SNRNP200: variants seen among roughly 807,000 people sequenced by gnomAD.
SNRNP200 encodes small nuclear ribonucleoprotein U5 subunit 200, also known as U5 small nuclear ribonucleoprotein 200 kDa helicase.
Under a neutral mutation model 255.2 loss-of-function variants are expected in SNRNP200, and 66 were observed. The observed-to-expected ratio is 0.26, with a 90% CI of 0.21 to 0.32. The LOEUF is 0.32. SNRNP200 is among the 10% of genes least tolerant of loss of function. The pLI, the probability that SNRNP200 is intolerant of heterozygous loss-of-function variation, is 1.00. For missense variants in SNRNP200, 1,585 were observed against 2,749.8 expected, an observed-to-expected ratio of 0.58 and a Z score of 9.47; for synonymous variants, 939 against 1,027.8, an observed-to-expected ratio of 0.91 and a Z score of 1.65.
Position 96,283,502 on chromosome 2 carries a change from A to C in SNRNP200, c.4763+33T>G, listed in dbSNP as rs1349008037. On this transcript the variant is annotated intron_variant, in intron 33 of 44. Transcript: ENST00000323853. This position sits in a 1 kb window ranked among gnomAD's most constrained non-coding sequence, Gnocchi z 4.7. ...GGAGTAGGCCAGCCTCACTTAACCTAACCCCAACCCCCAGACGCCAGGCCC... is the reference window on the plus strand; with the variant it reads ...GGAGTAGGCCAGCCTCACTTAACCTCACCCCAACCCCCAGACGCCAGGCCC... 2 of 1,613,640 alleles carry C rather than the reference A, an allele frequency of 1.2e-6. No individual in the cohort carries two copies. The highest frequency in any genetic ancestry group is 1.7e-6 in the Non-Finnish European group (2 of 1,179,904).
At position 96,291,662 on chromosome 2, in the gene SNRNP200, C is replaced by T. The variant is rs1427632536; in HGVS notation, c.2310+89G>A. 6.8e-7 allele frequency: 1 copy of T among 1,469,902 alleles called. No homozygotes were observed. Among genetic ancestry groups the T allele is most frequent in the Non-Finnish European group, 9.5e-7 (1 of 1,052,542 alleles). The allele number at this position is 1,469,902 out of a possible 1,614,324, so 91.1% of individuals were successfully genotyped here. ...CTTAACCCATGGGAAACAACAATACCACAGTACAGTCCTAGAGGAGCTGTC... is the reference window on the plus strand; with the variant it reads ...CTTAACCCATGGGAAACAACAATACTACAGTACAGTCCTAGAGGAGCTGTC... On this transcript the variant is annotated intron_variant, in intron 17 of 44. Transcript: ENST00000323853. This position sits in a 1 kb window ranked among gnomAD's most constrained non-coding sequence, Gnocchi z 4.2.
intron 43 of SNRNP200, among the ~76,000 whole-genome samples, chr2:96,275,961 G>A (rs1016497739): frequency 1.3e-5 from 2 of 152,158 alleles, no homozygotes; most frequent in African/African-American, 2.4e-5. Flanking sequence ...AGCCGAGATC[G>A]CGCCACTGCA....
intron 2 of SNRNP200, 43 bp downstream of exon 2, chr2:96,304,662 A>G: frequency 6.2e-7 from 1 of 1,612,784 alleles, no homozygotes; most frequent in South Asian, 1.1e-5. Context: ...AAGGGAAGAG[A>G]CTTTGGATCT....
chr2:96,302,756 G>A (rs1421248784), intron 3 of SNRNP200, among the ~76,000 whole-genome samples: 2 of 152,150 alleles, frequency 1.3e-5, no homozygotes, highest in African/African-American at 2.4e-5. Context: ...TAATTTTCTA[G>A]AGCAGATCAG....
In SNRNP200 at chr2:96,279,546, G is replaced by C. The variant is rs1459389633; in HGVS notation, c.5038C>G (p.Pro1680Ala). The C allele has an allele frequency of 3.1e-6, 5 of 1,611,356 alleles. No individual in the cohort carries two copies. The highest frequency in any genetic ancestry group is 4.2e-6 in the Non-Finnish European group (5 of 1,177,778). Residue 1680 changes from proline to alanine, a missense_variant, in exon 36 of 45, where the codon CCC becomes GCC. Around this residue, in one of 9 missense-constraint regions of SNRNP200, gnomAD observed 719 missense variants for 1,091.1 expected, o/e 0.66. Coordinates refer to ENST00000323853, the MANE Select transcript of SNRNP200 (RefSeq NM_014014.5). ...NGKIHAYVDY[P>A]IYDVLQMVGH... is the part of the protein sequence containing the mutation. Reference sequence around the variant, plus strand: ...ACCATCTGAAGCACGTCATAGATGGGGTAATCCACATAGCTGGTGACAGAA... The same window carrying C: ...ACCATCTGAAGCACGTCATAGATGGCGTAATCCACATAGCTGGTGACAGAA...
Position 96,298,824 on chromosome 2 carries a change from C to T in SNRNP200, c.873G>A (p.Glu291=). The T allele has an allele frequency of 6.2e-7, 1 of 1,614,192 alleles. No homozygotes were observed. Among genetic ancestry groups the T allele is most frequent in the Admixed American group, 1.7e-5 (1 of 60,030 alleles). ...VSQKKADEVL[E]ILKTASDDRE... is the part of the protein sequence containing the mutation. Reference sequence around the variant, plus strand: ...GTCATCTTGGCCATACCTTCAAAATCTCCAATACTTCATCTGCCTTCTTCT... The same window carrying T: ...GTCATCTTGGCCATACCTTCAAAATTTCCAATACTTCATCTGCCTTCTTCT... The change falls in exon 7 of 45, where the codon GAG becomes GAA. Residue 291 remains glutamate (E), a synonymous_variant. Coordinates refer to ENST00000323853, the MANE Select transcript of SNRNP200 (RefSeq NM_014014.5).
chr2:96,284,322 CCAGT>C, intron 31 of SNRNP200, 32 bp downstream of exon 31: 1 of 1,574,966 alleles, frequency 6.3e-7, no homozygotes, highest in Non-Finnish European at 8.7e-7. Flanking sequence ...TTGGTCAGTC[CCAGT>C]CCCTCATCTG....
Position 96,286,622 on chromosome 2 carries a change from T to C in SNRNP200, c.3829+66A>G. On this transcript the variant is annotated intron_variant, in intron 28 of 44. Coordinates refer to ENST00000323853, the MANE Select transcript of SNRNP200 (RefSeq NM_014014.5). This position sits in a 1 kb window ranked among gnomAD's most constrained non-coding sequence, Gnocchi z 4.8. ...CAGCAAGGGCAAGCCCGGGACAAAGTGCAAGACATTCTTCTACTGTCCTTG... is the reference window on the plus strand; with the variant it reads ...CAGCAAGGGCAAGCCCGGGACAAAGCGCAAGACATTCTTCTACTGTCCTTG... 6.3e-7 allele frequency: 1 copy of C among 1,599,850 alleles called. No individual in the cohort carries two copies. The highest frequency in any genetic ancestry group is 1.3e-5 in the African/African-American group (1 of 74,624).
In SNRNP200 at chr2:96,297,713, C is replaced by G. The variant is rs2063927283; in HGVS notation, c.1127G>C (p.Arg376Thr). Residue 376 changes from arginine (R) to threonine (T), a missense_variant, in exon 10 of 45, where the codon AGG (arginine) becomes ACG (threonine). Coordinates refer to ENST00000323853, the MANE Select transcript of SNRNP200 (RefSeq NM_014014.5). ...TEKEDLIREE[R>T]SRRERVRQSR... ...CTGACGCACTCGCTCTCTCCGGGACCTTTCCTCCTGTAGTGGACAAAGATA... is the reference window on the plus strand; with the variant it reads ...CTGACGCACTCGCTCTCTCCGGGACGTTTCCTCCTGTAGTGGACAAAGATA... 1 of 1,614,126 alleles carries G rather than the reference C, an allele frequency of 6.2e-7. No homozygotes were observed. Among genetic ancestry groups the G allele is most frequent in the South Asian group, 1.1e-5 (1 of 91,090 alleles).
In SNRNP200 at chr2:96,275,769, G is replaced by A. The variant is rs539194949; in HGVS notation, c.6175-420C>T. ...TGTAATCCCAGCACTTTGGGAGGCC[G>A]AGGCGGGTGGATCACGAGGCCAGGA... On this transcript the variant is annotated intron_variant, in intron 43 of 44. Coordinates refer to ENST00000323853, the MANE Select transcript of SNRNP200 (RefSeq NM_014014.5). Among the ~76,000 whole-genome samples, 4 of 152,342 alleles carry A rather than the reference G, an allele frequency of 2.6e-5. No individual in the cohort carries two copies. The East Asian group carries it at 7.7e-4, about 29-fold the overall frequency.
chr2:96,285,194 C>A lies in SNRNP200; in HGVS notation c.4150G>T (p.Ala1384Ser). The change falls in exon 30 of 45, where the codon GCC (alanine) becomes TCC (serine). Residue 1384 changes from alanine (A) to serine (S), a missense_variant. Physicochemically the swap from Ala to Ser is moderately conservative, Grantham distance 99. Coordinates refer to ENST00000323853, the MANE Select transcript of SNRNP200 (RefSeq NM_014014.5). ...CCACGTCATACCTGCTCTGCCAGGG[C>A]CTCCATGGGGGTGATGTACACACAG... ...GRCVYITPME[A>S]LAEQVYMDWY... The A allele has an allele frequency of 5.0e-6, 8 of 1,614,142 alleles. No homozygotes were observed. Among genetic ancestry groups the A allele is most frequent in the Non-Finnish European group, 6.8e-6 (8 of 1,180,030 alleles).
In SNRNP200 at chr2:96,305,543, C is replaced by A. The variant is rs2063983310; in HGVS notation, c.-106G>T. On this transcript the variant is annotated 5_prime_UTR_variant, in exon 1 of 45. Coordinates refer to ENST00000323853, the MANE Select transcript of SNRNP200 (RefSeq NM_014014.5). The stretch of plus-strand genomic sequence containing the variant: ...GCGCCGGAACGACGCAGGAAAGACG[C>A]ACTGGGGAAGGAAAAGAAACGGGTT... The A allele has an allele frequency of 1.3e-6, 2 of 1,487,642 alleles. No homozygotes were observed. The highest frequency in any genetic ancestry group is 9.3e-7 in the Non-Finnish European group (1 of 1,075,314). 92.2% of individuals were successfully genotyped at this position (1,487,642 alleles called of 1,614,324 possible). A position where few individuals can be genotyped will look rare whatever the true frequency, so the allele number is the denominator to read the frequency against.
chr2:96,298,947 C>CACCTG lies in SNRNP200; in HGVS notation c.749_750insCAGGT (p.Met251ArgfsTer2). On this transcript the variant is annotated frameshift_variant, in exon 7 of 45. Coordinates refer to ENST00000323853, the MANE Select transcript of SNRNP200 (RefSeq NM_014014.5). LOFTEE classifies it high-confidence loss of function. ...GCAAATCCTTCTTCTTGGAACTCAT[C>CACCTG]AGTTCACCTGAGGCTACGAGCTATA... 6.2e-7 allele frequency: 1 copy of CACCTG among 1,614,066 alleles called. No individual in the cohort carries two copies.
In SNRNP200 at chr2:96,278,455, T is replaced by G. The variant is rs1347329504; in HGVS notation, c.5488+92A>C. 1.9e-6 allele frequency: 3 copies of G among 1,611,036 alleles called. No homozygotes were observed. Among genetic ancestry groups the G allele is most frequent in the Non-Finnish European group, 2.5e-6 (3 of 1,179,466 alleles). ...GCTGTCCCCTGCAGTGTCATCCCGC[T>G]GACAAACACGGGCGCACCTCTCATC... On this transcript the variant is annotated intron_variant, in intron 38 of 44. Transcript: ENST00000323853. This position sits in a 1 kb window ranked among gnomAD's most constrained non-coding sequence, Gnocchi z 6.9.
At chr2:96,281,562 C>G (rs149302206) in intron 35 of SNRNP200, 4 of 479,876 alleles carry the variant, frequency 8.3e-6, no homozygotes, top group Non-Finnish European at 1.5e-5. Context: ...AATGACGTAA[C>G]GTCAAACATT....
chr2:96,301,491 T>C, intron 4 of SNRNP200, 33 bp downstream of exon 4: 1 of 1,608,012 alleles, frequency 6.2e-7, no homozygotes, highest in Non-Finnish European at 8.5e-7. Flanking sequence ...CAACAACCAA[T>C]GAACATGATC....
intron 14 of SNRNP200, 69 bp downstream of exon 14, chr2:96,295,419 C>T (rs975711657): frequency 5.7e-6 from 9 of 1,581,498 alleles, no homozygotes; most frequent in African/African-American, 2.7e-5. Context: ...AGAAACATTT[C>T]GCATGAAAAC....
intron 34 of SNRNP200, chr2:96,282,730 C>T (rs528265242): frequency 1.4e-5 from 4 of 281,376 alleles, no homozygotes; most frequent in Non-Finnish European, 2.8e-5. Context: ...ATATAAGATG[C>T]CTGCTTCCCC....
rs950412629 is a variant in SNRNP200, at chr2:96,299,336, G to A, written c.722C>T (p.Ser241Leu). The A allele has an allele frequency of 3.7e-6, 6 of 1,613,866 alleles. No individual in the cohort carries two copies. Among genetic ancestry groups the A allele is most frequent in the Non-Finnish European group, 5.1e-6 (6 of 1,179,876 alleles). Residue 241 changes from serine to leucine, a missense_variant, in exon 6 of 45, where the codon TCG (serine) becomes TTG (leucine). Around this residue, in one of 9 missense-constraint regions of SNRNP200, gnomAD observed 383 missense variants for 645.3 expected, o/e 0.59. Coordinates refer to ENST00000323853, the MANE Select transcript of SNRNP200 (RefSeq NM_014014.5). ...AGAGCAAACTGAACTTACATTAGCC[G>A]AGAGGGTGCAGCGCACGACAGCCTC... is the stretch of plus-strand genomic sequence containing the variant. ...GDEAVVRCTL[S>L]ANLVASGELM...
Sources: gnomAD v4.1 joint callset for allele counts (sites outside exome capture counted in the v4.1 genomes callset) on GRCh38, gnomAD v4.1.1 for gene constraint, gnomAD v4.1.1 regional missense constraint, Gnocchi (gnomAD v3.1) non-coding constraint, MANE v1.5 for transcripts, NCBI Gene and HGNC (gene_info 2026-07-23, HGNC 2026-07-21) for gene names.